ADAMTS3: variants seen among roughly 807,000 people sequenced by gnomAD.
The protein encoded by ADAMTS3 is ADAM metallopeptidase with thrombospondin type 1 motif 3.
A neutral mutation model predicts 129.0 loss-of-function variants in ADAMTS3; 73 were observed. The observed-to-expected ratio is 0.57, with a 90% confidence interval of 0.47 to 0.69. The LOEUF is 0.69. Ranked by LOEUF, ADAMTS3 falls within the 30% of genes least tolerant of loss-of-function variation. The pLI, the probability that ADAMTS3 is intolerant of heterozygous loss-of-function variation, is 0.00. For missense variants in ADAMTS3, 1,457 were observed against 1,514.5 expected, an observed-to-expected ratio of 0.96 and a Z score of 0.63; for synonymous variants, 477 against 510.8, an observed-to-expected ratio of 0.93 and a Z score of 0.89.
At chr4:72,474,951 C>T (rs1474024186) in intron 3 of ADAMTS3, among the ~76,000 whole-genome samples, 1 of 150,050 alleles carries the variant, frequency 6.7e-6, no homozygotes, top group African/African-American at 2.4e-5. Context: ...GGCGTGAACC[C>T]GGGAGGCGGA....
At chr4:72,401,099 C>T (rs1721902699) in intron 4 of ADAMTS3, among the ~76,000 whole-genome samples, 1 of 151,768 alleles carries the variant, frequency 6.6e-6, no homozygotes, top group Non-Finnish European at 1.5e-5. Context: ...ACACTAGTCA[C>T]ATCTCAATAG....
intron 3 of ADAMTS3, among the ~76,000 whole-genome samples, chr4:72,455,931 T>TAG: frequency 9.0e-6 from 1 of 111,380 alleles, no homozygotes; most frequent in South Asian, 2.6e-4. Flanking sequence ...ATATATATTT[T>TAG]ATATATAGTA....
intron 3 of ADAMTS3, among the ~76,000 whole-genome samples, chr4:72,511,432 A>G (rs984881700): frequency 6.6e-6 from 1 of 152,186 alleles, no homozygotes; most frequent in Non-Finnish European, 1.5e-5. Flanking sequence ...AAATCTAATA[A>G]CCTGATCCAA....
chr4:72,499,830 T>C (rs1719965809), intron 3 of ADAMTS3, among the ~76,000 whole-genome samples: 1 of 152,124 alleles, frequency 6.6e-6, no homozygotes. Context: ...TTTATGTCCA[T>C]GAGTACCTAT....
At chr4:72,317,115 A>T (rs1249196322) in intron 10 of ADAMTS3, among the ~76,000 whole-genome samples, 2 of 152,192 alleles carry the variant, frequency 1.3e-5, no homozygotes, top group Admixed American at 6.5e-5. Context: ...AAAATATCAA[A>T]CAACAGCTAA....
intron 5 of ADAMTS3, among the ~76,000 whole-genome samples, chr4:72,326,230 A>C (rs565858358): frequency 6.6e-6 from 1 of 152,256 alleles, no homozygotes; most frequent in South Asian, 2.1e-4. Context: ...TGCATAGCAC[A>C]AAGTATTATT....
At chr4:72,522,755 A>G (rs562180965) in intron 3 of ADAMTS3, among the ~76,000 whole-genome samples, 1 of 152,300 alleles carries the variant, frequency 6.6e-6, no homozygotes, top group South Asian at 2.1e-4. Flanking sequence ...AAAAAGAACA[A>G]TCTTCATTTT....
chr4:72,391,616 G>A (rs532830455), intron 4 of ADAMTS3, among the ~76,000 whole-genome samples: 10 of 152,172 alleles, frequency 6.6e-5, no homozygotes, highest in Admixed American at 3.9e-4. Flanking sequence ...CTTTACTTGC[G>A]CCATTTGAAA....
In ADAMTS3 at chr4:72,283,551, G is replaced by T; in HGVS notation, c.3203C>A (p.Thr1068Asn). The change falls in exon 22 of 22, where the codon ACT becomes AAT. Residue 1068 changes from threonine (T) to asparagine (N), a missense_variant. By Grantham distance (65) the Thr-to-Asn change is moderately conservative. Transcript: ENST00000286657. ...AGGGTTAGAGATGACATCATCATGA[G>T]TTTCAGCAGCTTCTAGAAGGTATGG... Reference protein sequence around the residue: ...PPPYLLEAAETHDDVISNPSD... With the variant: ...PPPYLLEAAENHDDVISNPSD... 1 of 1,614,064 alleles carries T rather than the reference G, an allele frequency of 6.2e-7. No homozygotes were observed. The highest frequency in any genetic ancestry group is 8.5e-7 in the Non-Finnish European group (1 of 1,179,970).
chr4:72,527,767 A>C (rs1259330747), intron 3 of ADAMTS3, among the ~76,000 whole-genome samples: 4 of 152,182 alleles, frequency 2.6e-5, no homozygotes, highest in African/African-American at 9.7e-5. Context: ...ACTTTAAAAG[A>C]AGCACAGGGT....
At chr4:72,442,908 C>T (rs1718156612) in intron 3 of ADAMTS3, among the ~76,000 whole-genome samples, 1 of 149,686 alleles carries the variant, frequency 6.7e-6, no homozygotes, top group East Asian at 2.0e-4. Flanking sequence ...TTTGACTCAC[C>T]CCCGAAAATT....
At chr4:72,550,719 T>C (rs944072411) in intron 2 of ADAMTS3, among the ~76,000 whole-genome samples, 9 of 133,918 alleles carry the variant, frequency 6.7e-5, no homozygotes, top group Non-Finnish European at 1.3e-4. Context: ...TGAATACTTT[T>C]ATAAACTCTG....
At chr4:72,312,932 G>A (rs533664305) in intron 12 of ADAMTS3, among the ~76,000 whole-genome samples, 2 of 152,170 alleles carry the variant, frequency 1.3e-5, no homozygotes, top group South Asian at 4.1e-4. Context: ...AACAACTCTG[G>A]CTCATAATGA....
intron 2 of ADAMTS3, among the ~76,000 whole-genome samples, chr4:72,550,095 A>G (rs200446140): frequency 6.1e-5 from 8 of 130,602 alleles, no homozygotes; most frequent in African/African-American, 1.7e-4. Flanking sequence ...GAAGAAGAAG[A>G]AGAAGAAGAA....
chr4:72,567,948 G>A (rs1722059013), intron 1 of ADAMTS3: 1 of 153,726 alleles, frequency 6.5e-6, no homozygotes, highest in Non-Finnish European at 1.4e-5. Context: ...ACTCTTCTGA[G>A]AGCATCGGGC....
intron 4 of ADAMTS3, among the ~76,000 whole-genome samples, chr4:72,394,922 A>C (rs552286324): frequency 1.3e-5 from 2 of 148,180 alleles, no homozygotes; most frequent in African/African-American, 4.9e-5. Flanking sequence ...ATATACGCAC[A>C]TTTGGCTTTT....
intron 17 of ADAMTS3, among the ~76,000 whole-genome samples, chr4:72,300,894 G>A (rs896004732): frequency 6.6e-6 from 1 of 152,096 alleles, no homozygotes; most frequent in African/African-American, 2.4e-5. Flanking sequence ...ACTAAGCTTG[G>A]AAGCAGAGTA....
intron 3 of ADAMTS3, among the ~76,000 whole-genome samples, chr4:72,424,275 G>A (rs1011923613): frequency 6.6e-6 from 1 of 152,106 alleles, no homozygotes; most frequent in Middle Eastern, 3.4e-3. Context: ...TCAATTAATT[G>A]CTAAAGCAAA....
chr4:72,321,561 T>C (rs1449869685), intron 6 of ADAMTS3, among the ~76,000 whole-genome samples: 1 of 152,162 alleles, frequency 6.6e-6, no homozygotes, highest in African/African-American at 2.4e-5. Flanking sequence ...TTCAGTTTCA[T>C]AGAATTAAGA....
Sources: gnomAD v4.1 joint callset for allele counts (sites outside exome capture counted in the v4.1 genomes callset) on GRCh38, gnomAD v4.1.1 for gene constraint, MANE v1.5 for transcripts, NCBI Gene and HGNC (gene_info 2026-07-23, HGNC 2026-07-21) for gene names.